CSMD1: variants seen among roughly 807,000 people sequenced by gnomAD.
The protein encoded by CSMD1 is CUB and Sushi multiple domains 1, also known as CUB and sushi domain-containing protein 1.
In CSMD1, 213 loss-of-function variants were observed where a neutral mutation model predicts 417.5. The ratio of observed to expected loss-of-function variants is 0.51; its 90% CI spans 0.46 to 0.57. The LOEUF is 0.57. Ranked by LOEUF, CSMD1 falls within the 20% of genes least tolerant of loss-of-function variation. The pLI is 0.00. For synonymous variants in CSMD1, 2,862 were observed against 1,736.8 expected (o/e 1.65, Z -16.11); for missense variants, 6,923 against 4,529.7 (o/e 1.53, Z -15.17).
In CSMD1 at chr8:3,827,543, T is replaced by C. The variant is rs570556541; in HGVS notation, c.819-73501A>G. ...TTTCCCCAAGGCACTGTCATATTCC[T>C]GAAATGTTTTCTGCTAGATCAAAGC... On this transcript the variant is annotated intron_variant, in intron 5 of 69. Transcript: ENST00000635120. Among the ~76,000 whole-genome samples the C allele has an allele frequency of 3.9e-5, 6 of 152,332 alleles. No homozygotes were observed. The East Asian group carries it at 9.6e-4, about 24-fold the overall frequency.
At chr8:3,808,833 A>T (rs938496715) in intron 5 of CSMD1, among the ~76,000 whole-genome samples, 2 of 152,166 alleles carry the variant, frequency 1.3e-5, no homozygotes, top group African/African-American at 4.8e-5. Flanking sequence ...AAGGCTATTT[A>T]TTTCCAAAGG....
intron 3 of CSMD1, among the ~76,000 whole-genome samples, chr8:4,287,533 A>G (rs556356770): frequency 1.3e-5 from 2 of 152,208 alleles, no homozygotes; most frequent in Non-Finnish European, 2.9e-5. Flanking sequence ...GCAGCTTCCC[A>G]TTATCGTTAT....
At chr8:4,005,818 G>C (rs1335885017) in intron 4 of CSMD1, among the ~76,000 whole-genome samples, 5 of 152,194 alleles carry the variant, frequency 3.3e-5, no homozygotes, top group Non-Finnish European at 1.5e-5. Context: ...GGCATTAACA[G>C]ACCCCGGATT....
intron 6 of CSMD1, among the ~76,000 whole-genome samples, chr8:3,741,403 G>C (rs1013711466): frequency 6.6e-6 from 1 of 152,048 alleles, no homozygotes; most frequent in African/African-American, 2.4e-5. Context: ...ATAGGGCCAG[G>C]TTATCCCATC....
chr8:3,990,792 G>A (rs184328662), intron 5 of CSMD1, among the ~76,000 whole-genome samples: 1 of 152,120 alleles, frequency 6.6e-6, no homozygotes. Context: ...AGGAAGGAGA[G>A]GGGAGGGCAG....
Position 4,533,951 on chromosome 8 carries a change from T to G in CSMD1, c.302+103391A>C, listed in dbSNP as rs139327409. Among the ~76,000 whole-genome samples the G allele has an allele frequency of 9.8e-3, 1,453 of 148,976 alleles. 6 individuals carry two copies. Among genetic ancestry groups the G allele is most frequent in the Non-Finnish European group, 0.013 (894 of 67,402 alleles). On this transcript the variant is annotated intron_variant, in intron 2 of 69. Transcript: ENST00000635120. ...TATTAATATATAATATACATATTTA[T>G]ATATATAAATATAAAATACACTACA...
chr8:3,804,416 C>A (rs1437254777), intron 5 of CSMD1, among the ~76,000 whole-genome samples: 2 of 151,938 alleles, frequency 1.3e-5, no homozygotes, highest in Non-Finnish European at 2.9e-5. Flanking sequence ...AAATTTTGTT[C>A]CAGAAAATGA....
At chr8:4,194,342 C>A (rs1012104700) in intron 3 of CSMD1, among the ~76,000 whole-genome samples, 1 of 152,062 alleles carries the variant, frequency 6.6e-6, no homozygotes, top group Non-Finnish European at 1.5e-5. Context: ...CAGGAGAAAA[C>A]CACAGACCTA....
At chr8:4,360,904 A>C (rs1801719903) in intron 3 of CSMD1, among the ~76,000 whole-genome samples, 1 of 152,208 alleles carries the variant, frequency 6.6e-6, no homozygotes, top group Admixed American at 6.5e-5. Context: ...TGAAAGTAGA[A>C]TTAGGCTTCT....
rs559633470 is a variant in CSMD1, at chr8:4,670,230, G to T, written c.86-32672C>A. 2.0e-5 allele frequency among the ~76,000 whole-genome samples: 3 copies of T among 152,292 alleles called. No homozygotes were observed. In the South Asian group the frequency reaches 6.2e-4, roughly 32 times the overall value. ...CTATGCCTTCTCTCATGTTCTTTGT[G>T]TGGATAATGTAGAAGAGGCATGGCC... On this transcript the variant is annotated intron_variant, in intron 1 of 69. Transcript: ENST00000635120.
intron 25 of CSMD1, among the ~76,000 whole-genome samples, chr8:3,295,958 G>A (rs932987630): frequency 3.9e-5 from 6 of 152,078 alleles, no homozygotes; most frequent in Non-Finnish European, 7.3e-5. Flanking sequence ...GTTGAGTCCT[G>A]CCTTCGTGGA....
intron 5 of CSMD1, among the ~76,000 whole-genome samples, chr8:3,787,077 T>C (rs894217791): frequency 6.6e-6 from 1 of 152,136 alleles, no homozygotes; most frequent in African/African-American, 2.4e-5. Context: ...AGAGTGTGTT[T>C]ACAGAGGGTT....
chr8:4,103,129 A>C (rs898090596), intron 3 of CSMD1, among the ~76,000 whole-genome samples: 23 of 152,162 alleles, frequency 1.5e-4, no homozygotes, highest in African/African-American at 5.5e-4. Flanking sequence ...ACACGAGTTA[A>C]CAGTTATTTT....
At chr8:3,280,824 C>G (rs1169964692) in intron 26 of CSMD1, among the ~76,000 whole-genome samples, 2 of 151,782 alleles carry the variant, frequency 1.3e-5, no homozygotes, top group Admixed American at 6.6e-5. Context: ...TTCCATGATC[C>G]TCAAATAATT....
intron 1 of CSMD1, among the ~76,000 whole-genome samples, chr8:4,929,062 ACT>A (rs1311174208): frequency 6.6e-6 from 1 of 152,056 alleles, no homozygotes. Context: ...ACAAAGTGAC[ACT>A]CTATCTAAAC....
chr8:3,072,828 G>A (rs894135527), intron 49 of CSMD1, among the ~76,000 whole-genome samples: 1 of 152,026 alleles, frequency 6.6e-6, no homozygotes, highest in African/African-American at 2.4e-5. Flanking sequence ...ATATATATAG[G>A]TGTGTGTGTG....
intron 5 of CSMD1, among the ~76,000 whole-genome samples, chr8:3,768,695 G>C (rs11776225): frequency 0.12 from 17,832 of 152,204 alleles, 1,063 homozygotes; most frequent in Non-Finnish European, 0.12. Context: ...TTTCCAGCCA[G>C]TCTAGCAAAG....
chr8:3,356,473 G>C (rs528986676), intron 21 of CSMD1, among the ~76,000 whole-genome samples: 18 of 152,268 alleles, frequency 1.2e-4, no homozygotes, highest in African/African-American at 3.4e-4. Flanking sequence ...TCAGGAGTCC[G>C]AGACCAGCCT....
At chr8:4,796,992 A>G (rs1373407125) in intron 1 of CSMD1, among the ~76,000 whole-genome samples, 1 of 152,172 alleles carries the variant, frequency 6.6e-6, no homozygotes, top group Non-Finnish European at 1.5e-5. Flanking sequence ...ATGCCACCCA[A>G]AGTGAGGTAC....
Sources: gnomAD v4.1 joint callset for allele counts (sites outside exome capture counted in the v4.1 genomes callset) on GRCh38, gnomAD v4.1.1 for gene constraint, MANE v1.5 for transcripts, NCBI Gene and HGNC (gene_info 2026-07-23, HGNC 2026-07-21) for gene names.